The following IFI16 variants were observed in gnomAD, a reference collection of about 807,000 sequenced individuals.
IFI16 encodes interferon gamma inducible protein 16, also known as gamma-interferon-inducible protein 16.
A neutral mutation model predicts 68.4 loss-of-function variants in IFI16; 49 were observed. That is an observed-to-expected ratio of 0.72 (90% CI 0.57 to 0.91). The LOEUF is 0.91. Among genes scored for constraint, IFI16 ranks in the 40% least tolerant of loss-of-function variants. The pLI, the probability that IFI16 is intolerant of heterozygous loss-of-function variation, is 0.00. For synonymous variants in IFI16, 307 were observed against 315.0 expected, an observed-to-expected ratio of 0.97 and a Z score of 0.27; for missense variants, 878 against 942.9, an observed-to-expected ratio of 0.93 and a Z score of 0.90.
chr1:159,011,611 ATAAAT>A (rs1368277800), intron 1 of IFI16, among the ~76,000 whole-genome samples: 3 of 151,288 alleles, frequency 2.0e-5, no homozygotes, highest in South Asian at 2.1e-4. Context: ...ATATCATTAG[ATAAAT>A]TAGATAAATT....
chr1:159,035,853 A>T (rs370115713), intron 7 of IFI16, among the ~76,000 whole-genome samples: 1 of 152,118 alleles, frequency 6.6e-6, no homozygotes, highest in Admixed American at 6.5e-5. Flanking sequence ...TAAGAAAAAA[A>T]ATTACATAGT....
chr1:159,025,230 C>A (rs1176883028), intron 6 of IFI16, among the ~76,000 whole-genome samples: 1 of 152,176 alleles, frequency 6.6e-6, no homozygotes, highest in African/African-American at 2.4e-5. Flanking sequence ...GCCCTGGCCC[C>A]TCTTGAAGTC....
chr1:159,042,533 T>A (rs1349336627), intron 7 of IFI16, among the ~76,000 whole-genome samples: 2 of 152,160 alleles, frequency 1.3e-5, no homozygotes, highest in African/African-American at 4.8e-5. Flanking sequence ...TTGATGTCAA[T>A]TTTTTCCATC....
rs370672862 is a variant in IFI16 at position 159,052,103 on chromosome 1, G to A, written c.2085+5G>A. On this transcript the variant is annotated splice_donor_5th_base_variant and intron_variant, in intron 10 of 11. Coordinates refer to ENST00000295809, the MANE Select transcript of IFI16 (RefSeq NM_001376587.1). Reference sequence around the variant, plus strand: ...GGGGTGTTTGAGGTACATAAGGTAAGCCCACACCATTGTTTTATAAAATTT... The same window carrying A: ...GGGGTGTTTGAGGTACATAAGGTAAACCCACACCATTGTTTTATAAAATTT... 1.9e-6 allele frequency: 3 copies of A among 1,593,326 alleles called. No homozygotes were observed. Among genetic ancestry groups the A allele is most frequent in the African/African-American group, 1.3e-5 (1 of 74,188 alleles).
chr1:159,009,857 C>T (rs777761017), upstream of IFI16: 1 of 152,120 alleles, frequency 6.6e-6, no homozygotes, highest in East Asian at 1.9e-4. Flanking sequence ...CTAACAGAAA[C>T]GAAAGCTAAA....
chr1:159,020,747 T>C (rs773192673), intron 6 of IFI16, among the ~76,000 whole-genome samples: 1 of 152,156 alleles, frequency 6.6e-6, no homozygotes, highest in Non-Finnish European at 1.5e-5. Context: ...ATCTGAACTT[T>C]ATCAAAAAAA....
At chr1:159,025,316 A>C (rs1653592414) in intron 6 of IFI16, among the ~76,000 whole-genome samples, 2 of 151,672 alleles carry the variant, frequency 1.3e-5, no homozygotes, top group South Asian at 4.2e-4. Context: ...TTACCTGGCC[A>C]CCCTCGGGAC....
At chr1:159,011,032 T>G (rs2101794561) in intron 1 of IFI16, among the ~76,000 whole-genome samples, 1 of 152,328 alleles carries the variant, frequency 6.6e-6, no homozygotes. Flanking sequence ...CATTACAGAT[T>G]TTTTCACCTT....
upstream of IFI16, among the ~76,000 whole-genome samples, chr1:159,008,234 GTAA>G (rs1448611904): frequency 9.2e-5 from 14 of 152,126 alleles, no homozygotes; most frequent in South Asian, 4.1e-4. Context: ...TTTAGTCACT[GTAA>G]TAATGTAGCT....
chr1:159,003,788 G>A (rs1652149697), upstream of IFI16, among the ~76,000 whole-genome samples: 1 of 152,000 alleles, frequency 6.6e-6, no homozygotes, highest in African/African-American at 2.4e-5. Context: ...AGCCTCCCGA[G>A]TAGCTGGGAC....
intron 7 of IFI16, among the ~76,000 whole-genome samples, chr1:159,037,744 CAT>C (rs1654410117): frequency 6.6e-6 from 1 of 152,122 alleles, no homozygotes; most frequent in Non-Finnish European, 1.5e-5. Context: ...TAGGCTGCCA[CAT>C]TGTAGAAGGG....
chr1:159,022,010 C>A (rs1318154835), intron 6 of IFI16, among the ~76,000 whole-genome samples: 9 of 118,286 alleles, frequency 7.6e-5, no homozygotes, highest in African/African-American at 2.9e-4. Context: ...TTTGCCCAGG[C>A]GGGAGTGCAG....
At position 159,045,853 on chromosome 1, in the gene IFI16, A is replaced by G. The variant is rs1654949316; in HGVS notation, c.1497+389A>G. 2.0e-5 allele frequency among the ~76,000 whole-genome samples: 3 copies of G among 151,244 alleles called. No individual in the cohort carries two copies. In the South Asian group the frequency reaches 6.2e-4, roughly 31 times the overall value. On this transcript the variant is annotated intron_variant, in intron 8 of 11. Transcript: ENST00000295809. ...CAAATAATACCATCTTTAAAAATTT[A>G]GGAAAAGAAGGTACATAAGCAAAAA...
In IFI16 at chr1:159,055,046, A is replaced by G. The variant is rs567789771; in HGVS notation, c.*145A>G. On this transcript the variant is annotated 3_prime_UTR_variant, in exon 12 of 12. Coordinates refer to ENST00000295809, the MANE Select transcript of IFI16 (RefSeq NM_001376587.1). ...TAATCCTATGGAATGGGGTATTGGG[A>G]GTGCTTTTTTAATTTTTCATAGTTT... 4 of 414,280 alleles carry G rather than the reference A, an allele frequency of 9.7e-6. No individual in the cohort carries two copies. The East Asian group carries it at 1.1e-4, about 11-fold the overall frequency. 25.7% of individuals were successfully genotyped at this position (414,280 alleles called of 1,614,324 possible).
Position 159,032,669 on chromosome 1 carries a change from C to A in IFI16, c.1307C>A (p.Pro436Gln). ...LRTPQMPPTT[P>Q]SSSFFTKKSE... is the part of the protein sequence containing the mutation. Reference sequence around the variant, plus strand: ...ACTCCTCAGATGCCACCAACAACTCCATCCAGCAGTTTCTTCACCAAGGTA... The same window carrying A: ...ACTCCTCAGATGCCACCAACAACTCAATCCAGCAGTTTCTTCACCAAGGTA... Residue 436 changes from proline (P) to glutamine (Q), a missense_variant, in exon 7 of 12, where the codon CCA (proline) becomes CAA (glutamine). By Grantham distance (76) the Pro-to-Gln change is moderately conservative. Transcript: ENST00000295809. The A allele has an allele frequency of 6.3e-7, 1 of 1,596,342 alleles. No homozygotes were observed.
At chr1:159,042,216 C>T (rs886470512) in intron 7 of IFI16, among the ~76,000 whole-genome samples, 1 of 152,178 alleles carries the variant, frequency 6.6e-6, no homozygotes, top group Non-Finnish European at 1.5e-5. Context: ...GATAGGTTCT[C>T]TCACAAATTT....
intron 7 of IFI16, among the ~76,000 whole-genome samples, chr1:159,039,181 G>C: frequency 6.6e-6 from 1 of 152,094 alleles, no homozygotes; most frequent in East Asian, 1.9e-4. Flanking sequence ...CAACCAACAG[G>C]ATGAAGGCTA....
chr1:159,040,528 A>G (rs1654564114), intron 7 of IFI16, among the ~76,000 whole-genome samples: 1 of 152,228 alleles, frequency 6.6e-6, no homozygotes. Flanking sequence ...TATGTTCTAA[A>G]TTTAGAAATA....
intron 8 of IFI16, among the ~76,000 whole-genome samples, chr1:159,047,157 T>C (rs995739991): frequency 6.6e-6 from 1 of 151,146 alleles, no homozygotes; most frequent in African/African-American, 2.4e-5. Context: ...CAATGTTGTT[T>C]CTCACCCAAG....
Sources: gnomAD v4.1 joint callset for allele counts (sites outside exome capture counted in the v4.1 genomes callset) on GRCh38, gnomAD v4.1.1 for gene constraint, MANE v1.5 for transcripts, NCBI Gene and HGNC (gene_info 2026-07-23, HGNC 2026-07-21) for gene names.